Variants in ATF7 observed in about 807,000 individuals in gnomAD.
ATF7 encodes cyclic AMP-dependent transcription factor ATF-7.
ATF7 carries 10 observed loss-of-function variants against 50.4 expected under a neutral mutation model. That is an observed-to-expected ratio of 0.20 (90% confidence interval 0.12 to 0.34). The LOEUF is 0.34. ATF7 is among the 10% of genes least tolerant of loss of function. ATF7 has a pLI of 1.00. For missense variants in ATF7, 465 were observed against 613.9 expected, an observed-to-expected ratio of 0.76 and a Z score of 2.56; for synonymous variants, 201 against 226.4, an observed-to-expected ratio of 0.89 and a Z score of 1.01.
At position 53,512,675 on chromosome 12, in the gene ATF7, C is replaced by T. The variant is rs1408566825; in HGVS notation, c.*4462G>A. On this transcript the variant is annotated 3_prime_UTR_variant, in exon 12 of 12. Transcript: ENST00000420353. ...GGGACAACTCCTGTCCAGACCAATG[C>T]ATGGTTTTAGGGATACGACTAAAAT... 1 of 152,178 alleles carries T rather than the reference C, an allele frequency of 6.6e-6. No individual in the cohort carries two copies. The highest frequency in any genetic ancestry group is 2.4e-5 in the African/African-American group (1 of 41,434). 9.4% of individuals were successfully genotyped at this position (152,178 alleles called of 1,614,324 possible). A position where few individuals can be genotyped will look rare whatever the true frequency, so the allele number is the denominator to read the frequency against.
intron 2 of ATF7, among the ~76,000 whole-genome samples, chr12:53,568,171 A>G (rs1941550238): frequency 6.6e-6 from 1 of 152,202 alleles, no homozygotes; most frequent in Admixed American, 6.5e-5. Flanking sequence ...AATGCTTACA[A>G]TGCATTCAGA....
rs370329144 is a variant in ATF7 at position 53,597,808 on chromosome 12, C to CAA, written c.48+3143_48+3144dup. On this transcript the variant is annotated intron_variant, in intron 2 of 11. Transcript: ENST00000420353. ...TGGGCGACAGAGTGGAACTCTGTCT[C>CAA]AAAAAAAAAAAAAAAAAATAGTATC... is the stretch of plus-strand genomic sequence containing the variant. Among the ~76,000 whole-genome samples the CAA allele has an allele frequency of 6.6e-3, 534 of 80,794 alleles. 6 individuals carry two copies. The highest frequency in any genetic ancestry group is 0.025 in the East Asian group (73 of 2,876). 53.0% of individuals were successfully genotyped at this position (80,794 alleles called of 152,430 possible).
chr12:53,602,253 G>GT (rs1943435429), intron 1 of ATF7, among the ~76,000 whole-genome samples: 1 of 152,196 alleles, frequency 6.6e-6, no homozygotes, highest in African/African-American at 2.4e-5. Context: ...ATGCCTGCAA[G>GT]TGACTTCAGA....
intron 2 of ATF7, among the ~76,000 whole-genome samples, chr12:53,593,238 CTAAAAA>C (rs757524419): frequency 2.7e-4 from 41 of 152,110 alleles, no homozygotes; most frequent in Non-Finnish European, 4.4e-4. Flanking sequence ...GACCCTGTCT[CTAAAAA>C]TAAAAACATA....
intron 2 of ATF7, among the ~76,000 whole-genome samples, chr12:53,556,415 C>T (rs981919472): frequency 6.6e-6 from 1 of 152,142 alleles, no homozygotes; most frequent in Admixed American, 6.6e-5. Context: ...ATGGCAAAAC[C>T]TATTTTTAAT....
intron 2 of ATF7, among the ~76,000 whole-genome samples, chr12:53,588,932 C>A (rs769639082): frequency 6.7e-6 from 1 of 148,542 alleles, no homozygotes; most frequent in African/African-American, 2.5e-5. Flanking sequence ...GAATTTACAC[C>A]TTTTTTTTTT....
At chr12:53,560,667 C>T (rs770659157) in intron 2 of ATF7, among the ~76,000 whole-genome samples, 43 of 152,256 alleles carry the variant, frequency 2.8e-4, no homozygotes, top group Non-Finnish European at 7.3e-5. Context: ...ATATCCTGAC[C>T]TATGATGAAT....
At chr12:53,546,220 C>CA (rs1373876675) in intron 3 of ATF7, among the ~76,000 whole-genome samples, 2 of 151,592 alleles carry the variant, frequency 1.3e-5, no homozygotes, top group African/African-American at 4.9e-5. Context: ...AACAAACAAA[C>CA]AAAAAACAAC....
chr12:53,521,276 G>A (rs1241421264), intron 11 of ATF7, among the ~76,000 whole-genome samples: 3 of 152,170 alleles, frequency 2.0e-5, no homozygotes, highest in Non-Finnish European at 2.9e-5. Context: ...ACAGGCATGC[G>A]CCCAGCCTAG....
At chr12:53,534,466 C>T (rs762805827) in intron 6 of ATF7, 36 bp downstream of exon 6, 5 of 1,612,236 alleles carry the variant, frequency 3.1e-6, no homozygotes, top group Admixed American at 3.3e-5. Flanking sequence ...GAAAGAAATG[C>T]AGCCTTCACT....
intron 2 of ATF7, among the ~76,000 whole-genome samples, chr12:53,556,527 G>A (rs1209860655): frequency 6.6e-6 from 1 of 152,218 alleles, no homozygotes. Flanking sequence ...AACCCAGGAG[G>A]TGGAGGTTGC....
rs1036943008 is a variant in ATF7, at chr12:53,543,186, T to A, written c.264+144A>T. 5 of 1,538,504 alleles carry A rather than the reference T, an allele frequency of 3.2e-6. No homozygotes were observed. The African/African-American group carries it at 4.1e-5, about 13-fold the overall frequency. The stretch of plus-strand genomic sequence containing the variant: ...GACCTGAATGGCTGACTGGGATTAG[T>A]GACTACTATCTGGTTTTACTGGTTT... On this transcript the variant is annotated intron_variant, in intron 4 of 11. Coordinates refer to ENST00000420353, the MANE Select transcript of ATF7 (RefSeq NM_006856.3).
chr12:53,557,303 G>A (rs907923885), intron 2 of ATF7, among the ~76,000 whole-genome samples: 2 of 152,022 alleles, frequency 1.3e-5, no homozygotes, highest in African/African-American at 4.8e-5. Flanking sequence ...CCAGACTTAC[G>A]CAATCCCCCC....
intron 2 of ATF7, among the ~76,000 whole-genome samples, chr12:53,591,593 T>C (rs1045598581): frequency 2.0e-5 from 3 of 152,216 alleles, no homozygotes; most frequent in Admixed American, 6.5e-5. Flanking sequence ...GAGCTTGTCA[T>C]TGTAACCAAA....
downstream of ATF7, among the ~76,000 whole-genome samples, chr12:53,509,014 A>T (rs961079922): frequency 1.3e-5 from 2 of 152,170 alleles, no homozygotes; most frequent in African/African-American, 2.4e-5. Flanking sequence ...GAGGCCTTCA[A>T]AGCCATATGG....
In ATF7 at chr12:53,513,605, G is replaced by A. The variant is rs1179277784; in HGVS notation, c.*3532C>T. ...GGTTATGAAATTTAAAAAAAATAAT[G>A]TATTTCCTTCCTGTGTATATAATGT... On this transcript the variant is annotated 3_prime_UTR_variant, in exon 12 of 12. Coordinates refer to ENST00000420353, the MANE Select transcript of ATF7 (RefSeq NM_006856.3). The A allele has an allele frequency of 6.6e-6, 1 of 152,078 alleles. No homozygotes were observed. The highest frequency in any genetic ancestry group is 2.1e-4 in the South Asian group (1 of 4,828). The allele number at this position is 152,078 out of a possible 1,614,324, so 9.4% of individuals were successfully genotyped here.
At chr12:53,615,121 C>A (rs917197903) in intron 1 of ATF7, among the ~76,000 whole-genome samples, 1 of 151,542 alleles carries the variant, frequency 6.6e-6, no homozygotes, top group African/African-American at 2.4e-5. Flanking sequence ...CGGTGGCTCA[C>A]GCCTGTAATC....
At chr12:53,611,883 C>A (rs1011548689) in intron 1 of ATF7, among the ~76,000 whole-genome samples, 2 of 152,054 alleles carry the variant, frequency 1.3e-5, no homozygotes, top group Non-Finnish European at 2.9e-5. Context: ...CATGAGCCAC[C>A]ACTTTCAGCC....
At chr12:53,562,698 T>C (rs146199298) in intron 2 of ATF7, among the ~76,000 whole-genome samples, 1 of 152,036 alleles carries the variant, frequency 6.6e-6, no homozygotes, top group African/African-American at 2.4e-5. Context: ...ATCATCCATA[T>C]CCAAAAGGAG....
Sources: gnomAD v4.1 joint callset for allele counts (sites outside exome capture counted in the v4.1 genomes callset) on GRCh38, gnomAD v4.1.1 for gene constraint, MANE v1.5 for transcripts, NCBI Gene and HGNC (gene_info 2026-07-23, HGNC 2026-07-21) for gene names.